Variants in NDRG3 observed in about 807,000 individuals in gnomAD.
NDRG3 encodes the protein protein NDRG3.
In NDRG3, 23 loss-of-function variants were observed where a neutral mutation model predicts 57.2. That is an observed-to-expected ratio of 0.40 (90% CI 0.29 to 0.57). The LOEUF is 0.57. Ranked by LOEUF, NDRG3 falls within the 20% of genes least tolerant of loss-of-function variation. The probability of loss-of-function intolerance (pLI) is 0.42; values close to 1 mark genes in which losing one functional copy is unlikely to be tolerated. For synonymous variants in NDRG3, 132 were observed against 162.6 expected, an observed-to-expected ratio of 0.81 and a Z score of 1.43; for missense variants, 384 against 457.3, an observed-to-expected ratio of 0.84 and a Z score of 1.46.
Position 36,679,207 on chromosome 20 carries a change from C to T in NDRG3, c.531+1609G>A, listed in dbSNP as rs184464734. 1.4e-3 allele frequency among the ~76,000 whole-genome samples: 207 copies of T among 152,320 alleles called. 2 individuals carry two copies. The highest frequency in any genetic ancestry group is 4.3e-4 in the Non-Finnish European group (29 of 68,032). On this transcript the variant is annotated intron_variant, in intron 8 of 15. Transcript: ENST00000349004. ...CTCCTGACCTCAAGTGATCCTCCCA[C>T]CTCGGCCTCCCAAAGTATTGGCATT...
intron 10 of NDRG3, among the ~76,000 whole-genome samples, chr20:36,665,789 G>A (rs1979579582): frequency 6.6e-6 from 1 of 152,056 alleles, no homozygotes; most frequent in African/African-American, 2.4e-5. Flanking sequence ...GTAGAGATGG[G>A]GTTTCACTAT....
chr20:36,679,101 C>A (rs992013750), intron 8 of NDRG3, among the ~76,000 whole-genome samples: 1 of 152,114 alleles, frequency 6.6e-6, no homozygotes, highest in Non-Finnish European at 1.5e-5. Context: ...CAGATGTGTA[C>A]CATCATGCCC....
rs546834869 is a variant in NDRG3, at chr20:36,666,921, C to T, written c.589-529G>A. The stretch of plus-strand genomic sequence containing the variant: ...CAGTCTCAGCTCACTGCAACCTCCA[C>T]CTCCCGGGTTCAAGCAATTCTCCTG... On this transcript the variant is annotated intron_variant, in intron 9 of 15. Transcript: ENST00000349004. 1.1e-4 allele frequency among the ~76,000 whole-genome samples: 16 copies of T among 152,314 alleles called. 1 individual carries two copies. In the East Asian group the frequency reaches 2.9e-3, roughly 28 times the overall value.
chr20:36,733,592 C>A (rs1264401362), intron 1 of NDRG3, among the ~76,000 whole-genome samples: 1 of 151,840 alleles, frequency 6.6e-6, no homozygotes, highest in South Asian at 2.1e-4. Flanking sequence ...GGAGAGGTTG[C>A]AGGTGCCTGT....
chr20:36,704,809 T>C (rs1255371936), intron 3 of NDRG3, among the ~76,000 whole-genome samples: 1 of 152,248 alleles, frequency 6.6e-6, no homozygotes, highest in Non-Finnish European at 1.5e-5. Flanking sequence ...AACTGTACTA[T>C]GAGCCTGACC....
chr20:36,677,267 T>A (rs1199197521), intron 8 of NDRG3, among the ~76,000 whole-genome samples: 1 of 152,094 alleles, frequency 6.6e-6, no homozygotes, highest in Non-Finnish European at 1.5e-5. Context: ...GGGCCATGAA[T>A]GGAGCGGGAC....
At chr20:36,688,593 C>G in intron 4 of NDRG3, 86 bp downstream of exon 4, 1 of 990,610 alleles carries the variant, frequency 1.0e-6, no homozygotes, top group South Asian at 1.4e-5. Context: ...GAAACCTCTG[C>G]TCTATTAGAA....
chr20:36,714,766 A>T (rs1984131269), intron 2 of NDRG3, among the ~76,000 whole-genome samples: 1 of 151,308 alleles, frequency 6.6e-6, no homozygotes. Flanking sequence ...GGCACGTGCC[A>T]CCACGCCCGG....
At chr20:36,720,375 G>A (rs1984522377) in intron 2 of NDRG3, among the ~76,000 whole-genome samples, 2 of 152,106 alleles carry the variant, frequency 1.3e-5, no homozygotes, top group South Asian at 4.2e-4. Flanking sequence ...ATTTCACCAT[G>A]TTGGCGAGGC....
At chr20:36,741,066 C>A (rs1555809049) in intron 1 of NDRG3, among the ~76,000 whole-genome samples, 3 of 152,198 alleles carry the variant, frequency 2.0e-5, no homozygotes, top group Non-Finnish European at 4.4e-5. Context: ...TCAATCTTTG[C>A]ACTTGAAAGT....
intron 3 of NDRG3, among the ~76,000 whole-genome samples, chr20:36,694,536 G>T (rs1982609018): frequency 6.6e-6 from 1 of 152,038 alleles, no homozygotes; most frequent in Non-Finnish European, 1.5e-5. Context: ...TAATTACTCT[G>T]GTGTGGTGTC....
At chr20:36,678,914 G>A (rs1402167375) in intron 8 of NDRG3, among the ~76,000 whole-genome samples, 2 of 152,154 alleles carry the variant, frequency 1.3e-5, no homozygotes, top group Non-Finnish European at 2.9e-5. Context: ...TTGTGTAAAT[G>A]GTTAAATACT....
chr20:36,685,792 C>G (rs192446226), intron 5 of NDRG3, among the ~76,000 whole-genome samples: 1 of 152,270 alleles, frequency 6.6e-6, no homozygotes, highest in African/African-American at 2.4e-5. Flanking sequence ...CCAGATTGCT[C>G]AAGCCCAGGA....
intron 1 of NDRG3, among the ~76,000 whole-genome samples, chr20:36,739,540 G>A (rs1985811171): frequency 6.6e-6 from 1 of 151,880 alleles, no homozygotes; most frequent in Non-Finnish European, 1.5e-5. Context: ...AGGCACAGTG[G>A]CTCACACCTG....
chr20:36,705,366 C>T (rs1475957279), intron 3 of NDRG3, among the ~76,000 whole-genome samples: 1 of 149,920 alleles, frequency 6.7e-6, no homozygotes, highest in Non-Finnish European at 1.5e-5. Context: ...AGAAAAAAAA[C>T]CCATCTTGTA....
chr20:36,667,420 C>T (rs1016890942), intron 9 of NDRG3, among the ~76,000 whole-genome samples: 2 of 152,118 alleles, frequency 1.3e-5, no homozygotes, highest in African/African-American at 2.4e-5. Context: ...AGACAACAGG[C>T]ACACTCAACT....
intron 2 of NDRG3, among the ~76,000 whole-genome samples, chr20:36,711,288 A>T (rs1245027365): frequency 3.3e-5 from 5 of 150,498 alleles, no homozygotes; most frequent in South Asian, 2.1e-4. Flanking sequence ...CAAAAAAAAA[A>T]TAATAATAAT....
chr20:36,733,146 CAAAAAAAAAAAAAAAA>C (rs141850127), intron 1 of NDRG3, among the ~76,000 whole-genome samples: 3 of 38,978 alleles, frequency 7.7e-5, no homozygotes, highest in African/African-American at 2.8e-4. Context: ...GATCCTGTCT[CAAAAAAAAAAAAAAAA>C]AAAAAAAAAA....
At chr20:36,693,669 G>T (rs1236429645) in intron 3 of NDRG3, among the ~76,000 whole-genome samples, 1 of 151,662 alleles carries the variant, frequency 6.6e-6, no homozygotes, top group Non-Finnish European at 1.5e-5. Flanking sequence ...TCTCATAGGA[G>T]CATGAACCCT....
Sources: allele counts gnomAD v4.1 joint callset (sites outside exome capture counted in the v4.1 genomes callset), GRCh38; gene constraint gnomAD v4.1.1; transcripts MANE v1.5; gene names NCBI Gene and HGNC (gene_info 2026-07-23, HGNC 2026-07-21).